KCTD8: variants seen among roughly 807,000 people sequenced by gnomAD.
KCTD8 encodes potassium channel tetramerization domain containing 8.
Under a neutral mutation model 31.5 loss-of-function variants are expected in KCTD8, and 27 were observed. The observed-to-expected ratio is 0.86, with a 90% CI of 0.63 to 1.18. The LOEUF is 1.18. Among genes scored for constraint, KCTD8 ranks in the 50% most tolerant of loss-of-function variants. The pLI is 0.00. For synonymous variants in KCTD8, 290 were observed against 280.0 expected (o/e 1.04, Z -0.36); for missense variants, 658 against 647.7 (o/e 1.02, Z -0.17).
At chr4:44,229,689 C>T (rs950569010) in intron 1 of KCTD8, among the ~76,000 whole-genome samples, 2 of 151,486 alleles carry the variant, frequency 1.3e-5, no homozygotes, top group Non-Finnish European at 2.9e-5. Context: ...TTCTCTTGTT[C>T]TAAAGCCTTT....
intron 1 of KCTD8, among the ~76,000 whole-genome samples, chr4:44,366,853 T>G (rs1357037810): frequency 6.6e-6 from 1 of 152,172 alleles, no homozygotes; most frequent in East Asian, 1.9e-4. Context: ...CCCCACAGCC[T>G]GAGTGGTTTA....
intron 1 of KCTD8, among the ~76,000 whole-genome samples, chr4:44,280,714 A>G (rs1716883148): frequency 6.6e-6 from 1 of 152,012 alleles, no homozygotes; most frequent in Admixed American, 6.6e-5. Context: ...GTTTCTCTGT[A>G]CCATATACAC....
chr4:44,264,292 T>A (rs764012907), intron 1 of KCTD8, among the ~76,000 whole-genome samples: 3 of 152,228 alleles, frequency 2.0e-5, no homozygotes, highest in Non-Finnish European at 2.9e-5. Context: ...ACCCTAATAT[T>A]TGGGTCAGAA....
intron 1 of KCTD8, among the ~76,000 whole-genome samples, chr4:44,276,555 A>G (rs961254232): frequency 1.1e-4 from 16 of 151,992 alleles, no homozygotes; most frequent in Non-Finnish European, 1.5e-4. Flanking sequence ...AATAAATAAT[A>G]ATGGCACAAT....
intron 1 of KCTD8, among the ~76,000 whole-genome samples, chr4:44,324,052 A>AC (rs11403832): frequency 0.12 from 17,558 of 147,446 alleles, 1,258 homozygotes; most frequent in East Asian, 0.24. Context: ...ATTAAAAAAA[A>AC]AAAAACAAAA....
At chr4:44,414,302 C>T (rs1406288312) in intron 1 of KCTD8, among the ~76,000 whole-genome samples, 5 of 152,086 alleles carry the variant, frequency 3.3e-5, no homozygotes, top group Admixed American at 1.3e-4. Context: ...ATACTCTTCT[C>T]AGGCAGACCT....
intron 1 of KCTD8, among the ~76,000 whole-genome samples, chr4:44,412,753 A>G (rs1359061825): frequency 6.6e-6 from 1 of 152,220 alleles, no homozygotes; most frequent in Admixed American, 6.5e-5. Flanking sequence ...CAGAATGTAA[A>G]GAAAGCATTT....
intron 1 of KCTD8, among the ~76,000 whole-genome samples, chr4:44,240,920 G>A (rs1419672842): frequency 6.6e-6 from 1 of 152,224 alleles, no homozygotes; most frequent in Non-Finnish European, 1.5e-5. Flanking sequence ...AAGGTGCTAA[G>A]AGGAAAACGT....
chr4:44,368,448 T>C (rs566500428), intron 1 of KCTD8, among the ~76,000 whole-genome samples: 6 of 152,264 alleles, frequency 3.9e-5, no homozygotes, highest in Non-Finnish European at 8.8e-5. Flanking sequence ...AGCCATATTC[T>C]GGAATTCAAC....
chr4:44,356,785 C>T (rs997855340), intron 1 of KCTD8, among the ~76,000 whole-genome samples: 6 of 151,988 alleles, frequency 3.9e-5, no homozygotes, highest in Non-Finnish European at 8.8e-5. Flanking sequence ...GAGGTAGTTT[C>T]AAATGAAAAG....
chr4:44,321,893 T>A (rs1463804344), intron 1 of KCTD8, among the ~76,000 whole-genome samples: 1 of 152,094 alleles, frequency 6.6e-6, no homozygotes, highest in Non-Finnish European at 1.5e-5. Flanking sequence ...TTAACATAAT[T>A]ACCTCCAGCT....
intron 1 of KCTD8, among the ~76,000 whole-genome samples, chr4:44,413,508 C>T (rs1399308677): frequency 2.0e-5 from 3 of 152,090 alleles, no homozygotes; most frequent in African/African-American, 4.8e-5. Flanking sequence ...AAGAGTTGAA[C>T]TCCTAAATTT....
intron 1 of KCTD8, among the ~76,000 whole-genome samples, chr4:44,361,020 C>T (rs1348583799): frequency 2.0e-5 from 3 of 151,974 alleles, no homozygotes; most frequent in Non-Finnish European, 4.4e-5. Flanking sequence ...CATTAAAAGT[C>T]TTCATATATG....
chr4:44,407,867 C>A (rs1257042208), intron 1 of KCTD8, among the ~76,000 whole-genome samples: 2 of 152,066 alleles, frequency 1.3e-5, no homozygotes, highest in African/African-American at 4.8e-5. Flanking sequence ...GGAATAGTTT[C>A]CTCAGGTTCT....
chr4:44,338,910 G>A (rs1257285310), intron 1 of KCTD8, among the ~76,000 whole-genome samples: 1 of 152,056 alleles, frequency 6.6e-6, no homozygotes, highest in Non-Finnish European at 1.5e-5. Context: ...AGACACACAT[G>A]AAAATAAGTA....
intron 1 of KCTD8, among the ~76,000 whole-genome samples, chr4:44,309,987 T>G (rs1717906714): frequency 6.6e-6 from 1 of 152,098 alleles, no homozygotes; most frequent in Admixed American, 6.6e-5. Context: ...TTCAAATACC[T>G]AAGTCCTTGG....
intron 1 of KCTD8, among the ~76,000 whole-genome samples, chr4:44,273,063 A>T (rs1480767380): frequency 6.6e-6 from 1 of 152,076 alleles, no homozygotes; most frequent in Non-Finnish European, 1.5e-5. Context: ...TGGAAAATGG[A>T]AGAATAAAAG....
At chr4:44,399,508 G>A (rs866624835) in intron 1 of KCTD8, among the ~76,000 whole-genome samples, 10 of 152,254 alleles carry the variant, frequency 6.6e-5, no homozygotes, top group Middle Eastern at 6.8e-3. Context: ...AGAGGTGGAC[G>A]AGTTATCCTC....
At chr4:44,444,343 G>GA (rs1721887345) in intron 1 of KCTD8, among the ~76,000 whole-genome samples, 1 of 152,130 alleles carries the variant, frequency 6.6e-6, no homozygotes, top group Non-Finnish European at 1.5e-5. Context: ...GACTTGGCCT[G>GA]AAAAATTCAA....
Sources: allele counts gnomAD v4.1 joint callset (sites outside exome capture counted in the v4.1 genomes callset), GRCh38; gene constraint gnomAD v4.1.1; transcripts MANE v1.5; gene names NCBI Gene and HGNC (gene_info 2026-07-23, HGNC 2026-07-21).